The following DLG2 variants were observed in gnomAD, a reference collection of about 807,000 sequenced individuals.
DLG2 encodes the protein disks large homolog 2.
A neutral mutation model predicts 132.5 loss-of-function variants in DLG2; 45 were observed. The ratio of observed to expected loss-of-function variants is 0.34; its 90% CI spans 0.27 to 0.44. The LOEUF is 0.44. DLG2 is among the 20% of genes least tolerant of loss of function. The pLI, the probability that DLG2 is intolerant of heterozygous loss-of-function variation, is 1.00. For synonymous variants in DLG2, 424 were observed against 419.6 expected (o/e 1.01, Z -0.13); for missense variants, 1,045 against 1,196.9 (o/e 0.87, Z 1.87).
intron 18 of DLG2, among the ~76,000 whole-genome samples, chr11:83,674,889 A>G (rs1444772575): frequency 6.6e-6 from 1 of 152,242 alleles, no homozygotes; most frequent in Non-Finnish European, 1.5e-5. Flanking sequence ...AAAAATGAAT[A>G]TTTAGGAGCA....
At chr11:83,737,417 A>G (rs1202871160) in intron 18 of DLG2, among the ~76,000 whole-genome samples, 1 of 152,180 alleles carries the variant, frequency 6.6e-6, no homozygotes, top group Non-Finnish European at 1.5e-5. Flanking sequence ...GATTGGTTCT[A>G]TTTTTTAAAA....
chr11:83,603,781 TC>T (rs1169395941), intron 19 of DLG2, among the ~76,000 whole-genome samples: 2 of 152,214 alleles, frequency 1.3e-5, no homozygotes, highest in Non-Finnish European at 2.9e-5. Flanking sequence ...TTGTGTTTTT[TC>T]CTCTTTGTTT....
At chr11:85,614,073 G>A (rs2153275180) in intron 2 of DLG2, among the ~76,000 whole-genome samples, 1 of 152,270 alleles carries the variant, frequency 6.6e-6, no homozygotes, top group South Asian at 2.1e-4. Context: ...CCAAACATCA[G>A]AAGGAACAAA....
chr11:85,428,946 A>T (rs2090974443), intron 3 of DLG2, among the ~76,000 whole-genome samples: 1 of 152,204 alleles, frequency 6.6e-6, no homozygotes, highest in African/African-American at 2.4e-5. Context: ...TAAAGGGGAT[A>T]TCACCACCGA....
Position 83,466,728 on chromosome 11 carries a change from G to A in DLG2, c.2709C>T (p.Pro903=). Residue 903 remains proline, a synonymous_variant, in exon 26 of 28, where the codon CCC becomes CCT. Transcript: ENST00000376104. Reference sequence around the variant, plus strand: ...CTCACATAAGAGGTTCCAGAGACCTGGGTTTTATGAAGATGGCAATGGGAT... The same window carrying A: ...CTCACATAAGAGGTTCCAGAGACCTAGGTTTTATGAAGATGGCAATGGGAT... ...QLYPIAIFIK[P]RSLEPLMEMN... 6.2e-7 allele frequency: 1 copy of A among 1,612,286 alleles called. No individual in the cohort carries two copies. Among genetic ancestry groups the A allele is most frequent in the African/African-American group, 1.3e-5 (1 of 74,980 alleles).
intron 3 of DLG2, among the ~76,000 whole-genome samples, chr11:85,464,976 A>T (rs560482568): frequency 6.7e-5 from 10 of 149,004 alleles, no homozygotes; most frequent in Admixed American, 6.1e-4. Flanking sequence ...TGGGAGGCTG[A>T]GGCAGGAGAA....
At chr11:84,226,430 G>A (rs923158649) in intron 8 of DLG2, among the ~76,000 whole-genome samples, 3 of 152,104 alleles carry the variant, frequency 2.0e-5, no homozygotes, top group Non-Finnish European at 4.4e-5. Flanking sequence ...CACAGGACTC[G>A]ACTCACACAT....
At chr11:85,385,910 T>A (rs933541322) in intron 3 of DLG2, among the ~76,000 whole-genome samples, 2 of 152,172 alleles carry the variant, frequency 1.3e-5, no homozygotes, top group Admixed American at 6.6e-5. Context: ...AGTTTCCCTT[T>A]ACTCCACCCC....
At chr11:84,283,045 T>C (rs1413718730) in intron 7 of DLG2, among the ~76,000 whole-genome samples, 1 of 152,230 alleles carries the variant, frequency 6.6e-6, no homozygotes, top group Non-Finnish European at 1.5e-5. Flanking sequence ...ATCTCTCTCC[T>C]GTGATAGAGT....
At chr11:85,188,133 A>T (rs1358500523) in intron 4 of DLG2, among the ~76,000 whole-genome samples, 1 of 152,166 alleles carries the variant, frequency 6.6e-6, no homozygotes, top group Non-Finnish European at 1.5e-5. Context: ...AATGGCTTGT[A>T]AACTACTTGA....
At chr11:83,727,036 G>A (rs1032056622) in intron 18 of DLG2, among the ~76,000 whole-genome samples, 1 of 152,132 alleles carries the variant, frequency 6.6e-6, no homozygotes, top group Non-Finnish European at 1.5e-5. Context: ...GAGAACTTCT[G>A]GTTTTCAGGG....
At chr11:85,385,059 A>C (rs769660129) in intron 3 of DLG2, among the ~76,000 whole-genome samples, 1 of 152,210 alleles carries the variant, frequency 6.6e-6, no homozygotes, top group Non-Finnish European at 1.5e-5. Flanking sequence ...CCTCCTACTT[A>C]CAGTGGCTTA....
chr11:85,172,537 C>G (rs2078950294), intron 4 of DLG2, among the ~76,000 whole-genome samples: 1 of 152,192 alleles, frequency 6.6e-6, no homozygotes, highest in Admixed American at 6.5e-5. Context: ...GCTGAAAACT[C>G]AAAAAGCCAG....
intron 6 of DLG2, among the ~76,000 whole-genome samples, chr11:84,611,020 G>GAC (rs1377191854): frequency 2.5e-4 from 18 of 71,928 alleles, no homozygotes; most frequent in Admixed American, 1.6e-3. Context: ...TCTGTTAGAT[G>GAC]ACATACACAC....
intron 10 of DLG2, among the ~76,000 whole-genome samples, chr11:84,084,104 T>C (rs2096940512): frequency 6.6e-6 from 1 of 151,630 alleles, no homozygotes; most frequent in Admixed American, 6.6e-5. Flanking sequence ...TGAATAACCC[T>C]AGGCTCAAAA....
chr11:84,976,017 A>T (rs944395589), intron 6 of DLG2, among the ~76,000 whole-genome samples: 1 of 152,160 alleles, frequency 6.6e-6, no homozygotes, highest in African/African-American at 2.4e-5. Context: ...AGTCAGCTCA[A>T]ATATCCTGTC....
chr11:84,836,156 A>G (rs1364647878), intron 6 of DLG2, among the ~76,000 whole-genome samples: 2 of 151,920 alleles, frequency 1.3e-5, no homozygotes, highest in South Asian at 2.1e-4. Context: ...GATTCCAGTA[A>G]GAGAATTGGT....
chr11:84,765,370 T>C (rs1210402054), intron 6 of DLG2, among the ~76,000 whole-genome samples: 2 of 152,080 alleles, frequency 1.3e-5, no homozygotes, highest in East Asian at 1.9e-4. Context: ...GCTACATTTG[T>C]AGTAGATTAA....
intron 4 of DLG2, among the ~76,000 whole-genome samples, chr11:85,263,204 T>C (rs1382349358): frequency 6.6e-6 from 1 of 152,180 alleles, no homozygotes; most frequent in Non-Finnish European, 1.5e-5. Flanking sequence ...TCAGTCCAGG[T>C]ATGAATTATG....
Sources: allele counts gnomAD v4.1 joint callset (sites outside exome capture counted in the v4.1 genomes callset), GRCh38; gene constraint gnomAD v4.1.1; transcripts MANE v1.5; gene names NCBI Gene and HGNC (gene_info 2026-07-23, HGNC 2026-07-21).